ERG: variants seen among roughly 807,000 people sequenced by gnomAD.
ERG encodes transcriptional regulator ERG.
In ERG, 9 loss-of-function variants were observed where a neutral mutation model predicts 55.3. The ratio of observed to expected loss-of-function variants is 0.16; its 90% CI spans 0.10 to 0.28. The LOEUF (loss-of-function observed/expected upper bound fraction) is 0.28, where lower values mean the gene tolerates loss of function less well. Among genes scored for constraint, ERG ranks in the 10% least tolerant of loss-of-function variants. The pLI is 1.00. For missense variants in ERG, 434 were observed against 631.6 expected (o/e 0.69, Z 3.35); for synonymous variants, 223 against 237.3 (o/e 0.94, Z 0.55).
At chr21:38,620,128 C>T (rs546258477) in intron 1 of ERG, among the ~76,000 whole-genome samples, 1 of 152,228 alleles carries the variant, frequency 6.6e-6, no homozygotes, top group African/African-American at 2.4e-5. Flanking sequence ...GTGTTAGATA[C>T]AGAGAGTCCA....
chr21:38,427,060 G>A (rs1442465383), intron 2 of ERG, among the ~76,000 whole-genome samples: 1 of 152,126 alleles, frequency 6.6e-6, no homozygotes, highest in Non-Finnish European at 1.5e-5. Context: ...TCTAGGCATA[G>A]ATCACAAGAG....
intron 1 of ERG, among the ~76,000 whole-genome samples, chr21:38,475,806 G>A (rs561924079): frequency 1.3e-5 from 2 of 152,248 alleles, no homozygotes; most frequent in South Asian, 4.1e-4. Context: ...ACAGCACTGA[G>A]TGAGCCCAGC....
At chr21:38,583,329 A>G (rs9305654) in intron 1 of ERG, among the ~76,000 whole-genome samples, 76,737 of 152,088 alleles carry the variant, frequency 0.5, 22,017 homozygotes, top group Non-Finnish European at 0.64. Context: ...TCTCCCTCTC[A>G]GGCTCATGCA....
At chr21:38,566,728 C>T (rs1445878208) in intron 2 of ERG, among the ~76,000 whole-genome samples, 1 of 152,154 alleles carries the variant, frequency 6.6e-6, no homozygotes, top group East Asian at 1.9e-4. Flanking sequence ...AAACATGGTT[C>T]CTTTTATAAA....
At chr21:38,486,720 T>C (rs971477643) in intron 1 of ERG, among the ~76,000 whole-genome samples, 4 of 152,196 alleles carry the variant, frequency 2.6e-5, no homozygotes, top group African/African-American at 9.7e-5. Context: ...TTATTATTGT[T>C]GTTATTATTA....
intron 2 of ERG, among the ~76,000 whole-genome samples, chr21:38,570,634 G>C (rs933319474): frequency 1.3e-5 from 2 of 152,126 alleles, no homozygotes; most frequent in Non-Finnish European, 2.9e-5. Flanking sequence ...AGATGCTTCC[G>C]TTTCATATAA....
At chr21:38,617,647 T>C (rs1335974834) in intron 1 of ERG, among the ~76,000 whole-genome samples, 2 of 152,168 alleles carry the variant, frequency 1.3e-5, no homozygotes. Context: ...TCACTGAACA[T>C]AAAACAGGAC....
chr21:38,576,178 T>C (rs2836528), intron 1 of ERG, among the ~76,000 whole-genome samples: 15,287 of 152,306 alleles, frequency 0.1, 867 homozygotes, highest in South Asian at 0.15. Context: ...TTTTCAGCTT[T>C]GTTATTAAGT....
chr21:38,532,308 C>G (rs1007201110), intron 2 of ERG, among the ~76,000 whole-genome samples: 2 of 151,556 alleles, frequency 1.3e-5, no homozygotes, highest in Non-Finnish European at 2.9e-5. Flanking sequence ...GATTCCCCAC[C>G]CCCACCCACC....
At chr21:38,645,778 C>T (rs1413466476) in intron 1 of ERG, among the ~76,000 whole-genome samples, 1 of 152,194 alleles carries the variant, frequency 6.6e-6, no homozygotes, top group Non-Finnish European at 1.5e-5. Context: ...GTCCCTTTTA[C>T]ATTCCAAATA....
chr21:38,484,103 T>C (rs2059262009), intron 1 of ERG, among the ~76,000 whole-genome samples: 1 of 152,160 alleles, frequency 6.6e-6, no homozygotes, highest in South Asian at 2.1e-4. Flanking sequence ...AACACACGTT[T>C]TGAGTTACTG....
At chr21:38,425,590 G>A (rs1202376789) in intron 2 of ERG, among the ~76,000 whole-genome samples, 1 of 152,164 alleles carries the variant, frequency 6.6e-6, no homozygotes, top group Non-Finnish European at 1.5e-5. Context: ...TTCCAGAAAT[G>A]CCTCTCAGGC....
chr21:38,497,785 G>T (rs1026042531), intron 1 of ERG, among the ~76,000 whole-genome samples: 1 of 152,080 alleles, frequency 6.6e-6, no homozygotes, highest in African/African-American at 2.4e-5. Context: ...ACATATAGTG[G>T]AACAAACCAA....
intron 1 of ERG, among the ~76,000 whole-genome samples, chr21:38,477,491 C>A (rs1057451804): frequency 2.0e-5 from 3 of 151,922 alleles, no homozygotes; most frequent in Non-Finnish European, 2.9e-5. Context: ...CAGCATTTGC[C>A]GTAACCAGTC....
chr21:38,422,764 A>G (rs1601374430), intron 3 of ERG, among the ~76,000 whole-genome samples: 1 of 152,314 alleles, frequency 6.6e-6, no homozygotes, highest in South Asian at 2.1e-4. Context: ...TCTGGTTATT[A>G]GAATCTGTAT....
chr21:38,590,583 T>C (rs992467012), intron 1 of ERG, among the ~76,000 whole-genome samples: 3 of 151,514 alleles, frequency 2.0e-5, no homozygotes, highest in Non-Finnish European at 4.4e-5. Context: ...CATCCATCCA[T>C]CCATCCATCC....
chr21:38,529,402 G>A (rs182399114), intron 2 of ERG, among the ~76,000 whole-genome samples: 94 of 152,258 alleles, frequency 6.2e-4, no homozygotes, highest in African/African-American at 2.2e-3. Context: ...TTTGAAGAGG[G>A]AGCCTACAGA....
chr21:38,406,416 T>C (rs979027060), intron 3 of ERG, among the ~76,000 whole-genome samples: 1 of 152,130 alleles, frequency 6.6e-6, no homozygotes, highest in Non-Finnish European at 1.5e-5. Context: ...CTTTCAGAGA[T>C]AAAATGTTTC....
At chr21:38,451,122 G>C in intron 1 of ERG, 1 of 475,578 alleles carries the variant, frequency 2.1e-6, no homozygotes, top group Non-Finnish European at 4.2e-6. Context: ...CACCTAGAGA[G>C]AGACAGAGAG....
Sources: gnomAD v4.1 joint callset for allele counts (sites outside exome capture counted in the v4.1 genomes callset) on GRCh38, gnomAD v4.1.1 for gene constraint, MANE v1.5 for transcripts, NCBI Gene and HGNC (gene_info 2026-07-23, HGNC 2026-07-21) for gene names.